The following GRIN2A variants were observed in gnomAD, a reference collection of about 807,000 sequenced individuals.
GRIN2A encodes glutamate receptor ionotropic, NMDA 2A.
A neutral mutation model predicts 113.4 loss-of-function variants in GRIN2A; 22 were observed. The observed-to-expected ratio is 0.19, with a 90% CI of 0.14 to 0.28. The LOEUF (loss-of-function observed/expected upper bound fraction) is 0.28. Among genes scored for constraint, GRIN2A ranks in the 10% least tolerant of loss-of-function variants. GRIN2A has a pLI of 1.00. For synonymous variants in GRIN2A, 827 were observed against 738.4 expected, an observed-to-expected ratio of 1.12 and a Z score of -1.94; for missense variants, 1,502 against 1,887.0, an observed-to-expected ratio of 0.80 and a Z score of 3.78.
At chr16:10,100,135 G>C (rs2142106375) in intron 2 of GRIN2A, among the ~76,000 whole-genome samples, 1 of 152,316 alleles carries the variant, frequency 6.6e-6, no homozygotes, top group South Asian at 2.1e-4. Context: ...CTTTTGCAAG[G>C]AGCAGGTGAG....
chr16:10,142,096 G>C (rs1201258343), intron 2 of GRIN2A, among the ~76,000 whole-genome samples: 1 of 152,122 alleles, frequency 6.6e-6, no homozygotes, highest in African/African-American at 2.4e-5. Context: ...TGAGTTATAG[G>C]AAATATCCCA....
At chr16:9,811,627 G>T (rs1005623910) in intron 10 of GRIN2A, among the ~76,000 whole-genome samples, 9 of 152,172 alleles carry the variant, frequency 5.9e-5, no homozygotes, top group Admixed American at 4.6e-4. Context: ...AGACATGGTG[G>T]TGCACATTTG....
At chr16:10,004,610 T>G (rs113361851) in intron 2 of GRIN2A, among the ~76,000 whole-genome samples, 44 of 152,224 alleles carry the variant, frequency 2.9e-4, no homozygotes, top group Non-Finnish European at 5.9e-4. Context: ...GTTCCTAGAA[T>G]TGTAATCCCA....
intron 5 of GRIN2A, among the ~76,000 whole-genome samples, chr16:9,843,245 G>A (rs971225225): frequency 1.3e-5 from 2 of 151,998 alleles, no homozygotes; most frequent in East Asian, 1.9e-4. Flanking sequence ...TATGTAATTG[G>A]CAACACAGAC....
At chr16:9,976,692 C>G (rs918291456) in intron 2 of GRIN2A, among the ~76,000 whole-genome samples, 1 of 152,168 alleles carries the variant, frequency 6.6e-6, no homozygotes, top group African/African-American at 2.4e-5. Flanking sequence ...TGAAAGCCGG[C>G]ACTCTAATTC....
chr16:10,137,024 A>C (rs910369499), intron 2 of GRIN2A, among the ~76,000 whole-genome samples: 7 of 152,238 alleles, frequency 4.6e-5, no homozygotes, highest in Non-Finnish European at 8.8e-5. Context: ...TCTACTCTAC[A>C]TCACAGTTAT....
rs35189803 is a variant in GRIN2A, at chr16:9,760,374, ATTTTTTTTT to A, written c.*2766_*2774del. On this transcript the variant is annotated 3_prime_UTR_variant, in exon 13 of 13. Transcript: ENST00000330684. ...AAATTGACCATCTGATCAGTAGTTG[ATTTTTTTTT>A]TTTTTTTTTTTTTTTGCTTGGGATC... 4 of 94,050 alleles carry A rather than the reference ATTTTTTTTT, an allele frequency of 4.3e-5. No individual in the cohort carries two copies. The highest frequency in any genetic ancestry group is 5.9e-4 in the South Asian group (1 of 1,700). 5.8% of individuals were successfully genotyped at this position (94,050 alleles called of 1,614,324 possible).
intron 2 of GRIN2A, among the ~76,000 whole-genome samples, chr16:10,036,476 T>A (rs2047031238): frequency 7.8e-6 from 1 of 127,724 alleles, no homozygotes; most frequent in African/African-American, 3.1e-5. Context: ...TTTTTTTTTT[T>A]GAGATGGATT....
intron 4 of GRIN2A, among the ~76,000 whole-genome samples, chr16:9,857,465 T>C (rs2042989086): frequency 6.6e-6 from 1 of 152,230 alleles, no homozygotes; most frequent in Non-Finnish European, 1.5e-5. Context: ...ATTCAAAAAC[T>C]GTTTTTGAAT....
intron 11 of GRIN2A, among the ~76,000 whole-genome samples, chr16:9,795,704 T>C (rs1284665132): frequency 1.3e-5 from 2 of 152,192 alleles, no homozygotes; most frequent in Non-Finnish European, 2.9e-5. Context: ...CATTTCATCT[T>C]CACACCAGCC....
chr16:10,019,286 T>C (rs962857021), intron 2 of GRIN2A, among the ~76,000 whole-genome samples: 7 of 152,234 alleles, frequency 4.6e-5, no homozygotes, highest in African/African-American at 1.7e-4. Context: ...ATTTGATACA[T>C]GAAAGCTACT....
intron 2 of GRIN2A, among the ~76,000 whole-genome samples, chr16:9,955,028 T>C (rs1438702148): frequency 6.6e-6 from 1 of 152,298 alleles, no homozygotes. Context: ...CTGTCTGAAG[T>C]TGGGGATGAG....
At chr16:10,111,306 C>T (rs1174501527) in intron 2 of GRIN2A, 3 of 374,854 alleles carry the variant, frequency 8.0e-6, no homozygotes, top group Non-Finnish European at 1.5e-5. Context: ...TTCCCAGGCC[C>T]ACAGCGTCAG....
chr16:9,772,875 A>G (rs542817820), intron 11 of GRIN2A, among the ~76,000 whole-genome samples: 6 of 144,900 alleles, frequency 4.1e-5, no homozygotes, highest in Non-Finnish European at 9.0e-5. Context: ...TGCCCAAACA[A>G]TACCTCTTTT....
At chr16:9,945,500 A>G (rs9933075) in intron 2 of GRIN2A, among the ~76,000 whole-genome samples, 6,629 of 152,224 alleles carry the variant, frequency 0.044, 239 homozygotes, top group African/African-American at 0.099. Context: ...CACACAATGA[A>G]TGCCCTGTAG....
intron 4 of GRIN2A, among the ~76,000 whole-genome samples, chr16:9,880,391 T>A (rs983592901): frequency 6.6e-6 from 1 of 152,102 alleles, no homozygotes; most frequent in South Asian, 2.1e-4. Context: ...CTGTTTTTTT[T>A]AAATGGCAAA....
intron 2 of GRIN2A, among the ~76,000 whole-genome samples, chr16:10,173,627 G>A (rs751035529): frequency 2.9e-4 from 44 of 152,126 alleles, no homozygotes; most frequent in Non-Finnish European, 5.3e-4. Flanking sequence ...AACATTTACC[G>A]TGTAACAAAC....
At chr16:10,112,681 A>C in intron 2 of GRIN2A, 1 of 752,924 alleles carries the variant, frequency 1.3e-6, no homozygotes, top group East Asian at 2.5e-5. Flanking sequence ...AGCGAGGGGG[A>C]AAAGGTGAAT....
chr16:9,828,470 A>G (rs2042427816), intron 9 of GRIN2A, among the ~76,000 whole-genome samples: 1 of 152,216 alleles, frequency 6.6e-6, no homozygotes, highest in Non-Finnish European at 1.5e-5. Context: ...GATGAATGGC[A>G]AAAGGATATA....
Sources: allele counts gnomAD v4.1 joint callset (sites outside exome capture counted in the v4.1 genomes callset), GRCh38; gene constraint gnomAD v4.1.1; transcripts MANE v1.5; gene names NCBI Gene and HGNC (gene_info 2026-07-23, HGNC 2026-07-21).